ZFP62: variants seen among roughly 807,000 people sequenced by gnomAD.
ZFP62 encodes zinc finger protein 62 homolog.
A neutral mutation model predicts 56.4 loss-of-function variants in ZFP62; 44 were observed. The observed-to-expected ratio is 0.78, with a 90% CI of 0.61 to 1.00. The LOEUF (loss-of-function observed/expected upper bound fraction) is 1.00. ZFP62 is among the 50% of genes least tolerant of loss of function. The probability of loss-of-function intolerance (pLI) is 0.00; values close to 1 mark genes in which losing one functional copy is unlikely to be tolerated. For missense variants in ZFP62, 1,030 were observed against 1,085.7 expected (o/e 0.95, Z 0.72); for synonymous variants, 421 against 388.9 (o/e 1.08, Z -0.97).
downstream of ZFP62, among the ~76,000 whole-genome samples, chr5:180,843,901 G>A (rs976955155): frequency 1.3e-5 from 2 of 152,226 alleles, no homozygotes; most frequent in Admixed American, 6.5e-5. Context: ...AAGGACAGCA[G>A]TCACATGGAC....
At chr5:180,855,254 T>G (rs891821996) in intron 1 of ZFP62, among the ~76,000 whole-genome samples, 1 of 152,226 alleles carries the variant, frequency 6.6e-6, no homozygotes, top group Non-Finnish European at 1.5e-5. Context: ...TTCTGTGCAT[T>G]TGAAGTTATT....
rs1489904252 is a variant in ZFP62 at position 180,849,741 on chromosome 5, C to G, written c.1754G>C (p.Gly585Ala). The G allele has an allele frequency of 1.3e-6, 2 of 1,551,702 alleles. No individual in the cohort carries two copies. The highest frequency in any genetic ancestry group is 2.7e-5 in the African/African-American group (2 of 73,024). Residue 585 changes from glycine to alanine, a missense_variant, in exon 2 of 2, where the codon GGG becomes GCG. Physicochemically the swap from Gly to Ala is moderately conservative, Grantham distance 60 (BLOSUM62 0). Coordinates refer to ENST00000502412, the MANE Select transcript of ZFP62 (RefSeq NM_001172638.2). ...CTCGTCACACTTAAAGGGCTTCTCC[C>G]CAGGGTGTACACTTTTATGATTTAT... ...SLINHKSVHP[G>A]EKPFKCDECE...
intron 1 of ZFP62, among the ~76,000 whole-genome samples, chr5:180,853,686 G>T (rs958696753): frequency 1.1e-4 from 16 of 152,188 alleles, no homozygotes; most frequent in African/African-American, 3.9e-4. Context: ...ACTTAGAAAC[G>T]TATTTGACTA....
At chr5:180,834,057 T>G in the ZFP62 span, among the ~76,000 whole-genome samples, 1 of 152,192 alleles carries the variant, frequency 6.6e-6, no homozygotes. Context: ...TATGCTGAGA[T>G]CCTAACCCCT....
At chr5:180,829,116 G>A in the ZFP62 span, among the ~76,000 whole-genome samples, 2 of 152,342 alleles carry the variant, frequency 1.3e-5, no homozygotes, top group East Asian at 3.9e-4. Flanking sequence ...GTGCACCACT[G>A]AACATAGACC....
the ZFP62 span, among the ~76,000 whole-genome samples, chr5:180,841,184 A>C: frequency 6.6e-6 from 1 of 152,026 alleles, no homozygotes; most frequent in Non-Finnish European, 1.5e-5. Flanking sequence ...AAGAAAATGA[A>C]CTTGCTGGAT....
chr5:180,841,310 T>C, the ZFP62 span, among the ~76,000 whole-genome samples: 6 of 72,976 alleles, frequency 8.2e-5, no homozygotes, highest in African/African-American at 2.1e-4. Context: ...CATATATATA[T>C]ACATACACAC....
intron 1 of ZFP62, among the ~76,000 whole-genome samples, chr5:180,858,666 A>G (rs923884803): frequency 6.6e-6 from 1 of 152,188 alleles, no homozygotes; most frequent in Non-Finnish European, 1.5e-5. Flanking sequence ...GAGGCAAGAC[A>G]GGACTGAGTC....
the ZFP62 span, among the ~76,000 whole-genome samples, chr5:180,836,599 G>C: frequency 1.3e-5 from 2 of 152,320 alleles, no homozygotes; most frequent in African/African-American, 4.8e-5. Flanking sequence ...ATGTACTGCG[G>C]GTTAGGACTT....
At chr5:180,831,870 C>A in the ZFP62 span, 3,705 of 153,252 alleles carry the variant, frequency 0.024, 104 homozygotes, top group East Asian at 0.093. Context: ...GCTGGCCTAA[C>A]CCCTGCTCGG....
the ZFP62 span, among the ~76,000 whole-genome samples, chr5:180,827,225 C>G: frequency 2.0e-5 from 3 of 152,200 alleles, no homozygotes; most frequent in Non-Finnish European, 2.9e-5. Flanking sequence ...CACTTCTGCT[C>G]ACATTGCATT....
chr5:180,848,920 T>C lies in ZFP62; in HGVS notation c.2575A>G (p.Lys859Glu), dbSNP rs1482264658. 2 of 1,551,624 alleles carry C rather than the reference T, an allele frequency of 1.3e-6. No individual in the cohort carries two copies. The highest frequency in any genetic ancestry group is 1.7e-6 in the Non-Finnish European group (2 of 1,147,008). ...FNIRSNLTKH[K>E]RTHTGEESLN... ...GATTCCTCTCCAGTATGGGTTCTTTTATGCTTGGTGAGATTTGATCTGATA... is the reference window on the plus strand; with the variant it reads ...GATTCCTCTCCAGTATGGGTTCTTTCATGCTTGGTGAGATTTGATCTGATA... The change falls in exon 2 of 2, where the codon AAA (lysine) becomes GAA (glutamate). Residue 859 changes from lysine to glutamate, a missense_variant. Transcript: ENST00000502412.
At chr5:180,858,088 A>T (rs1469264583) in intron 1 of ZFP62, among the ~76,000 whole-genome samples, 1 of 59,456 alleles carries the variant, frequency 1.7e-5, no homozygotes, top group East Asian at 2.0e-3. Flanking sequence ...CCCCATCTCT[A>T]CTAAAAAAAA....
rs1350123095 is a variant in ZFP62, at chr5:180,850,514, A to G, written c.981T>C (p.His327=). 1 of 1,553,080 alleles carries G rather than the reference A, an allele frequency of 6.4e-7. No individual in the cohort carries two copies. The highest frequency in any genetic ancestry group is 8.7e-7 in the Non-Finnish European group (1 of 1,147,776). The part of the protein sequence containing the change: ...AFITCRTLLN[H]KSIHFGDKPY... ...GTTTATCTCCAAAGTGGATGCTTTTATGGTTGAGAAGTGTTCTACAAGTAA... is the reference window on the plus strand; with the variant it reads ...GTTTATCTCCAAAGTGGATGCTTTTGTGGTTGAGAAGTGTTCTACAAGTAA... The change falls in exon 2 of 2, where the codon CAT becomes CAC. Residue 327 remains histidine, a synonymous_variant. Coordinates refer to ENST00000502412, the MANE Select transcript of ZFP62 (RefSeq NM_001172638.2).
At chr5:180,829,971 C>T in the ZFP62 span, 3 of 152,148 alleles carry the variant, frequency 2.0e-5, no homozygotes, top group Non-Finnish European at 4.4e-5. Context: ...TGGAAAATCC[C>T]ACTTTACTTC....
At chr5:180,844,785 T>C (rs1022428485), downstream of ZFP62, among the ~76,000 whole-genome samples, 1 of 152,168 alleles carries the variant, frequency 6.6e-6, no homozygotes, top group Non-Finnish European at 1.5e-5. Context: ...TCATGTTTCT[T>C]CTCAAGTTTT....
In ZFP62 at chr5:180,851,236, C is replaced by T; in HGVS notation, c.259G>A (p.Gly87Ser). ...TGCAAGCTCTTCTCAGATGCCTCAC[C>T]TTCCTGTTCTGTCTTTATATTTGCT... ...STANIKTEQE[G>S]EASEKSLHLS... The change falls in exon 2 of 2, where the codon GGT becomes AGT. Residue 87 changes from glycine to serine, a missense_variant. By Grantham distance (56) the Gly-to-Ser change is moderately conservative. Coordinates refer to ENST00000502412, the MANE Select transcript of ZFP62 (RefSeq NM_001172638.2). 1 of 1,551,628 alleles carries T rather than the reference C, an allele frequency of 6.4e-7. No homozygotes were observed. Among genetic ancestry groups the T allele is most frequent in the Non-Finnish European group, 8.7e-7 (1 of 1,146,988 alleles).
At position 180,848,153 on chromosome 5, in the gene ZFP62, G is replaced by C. The variant is rs1212315270; in HGVS notation, c.*639C>G. On this transcript the variant is annotated 3_prime_UTR_variant, in exon 2 of 2. Coordinates refer to ENST00000502412, the MANE Select transcript of ZFP62 (RefSeq NM_001172638.2). Reference sequence around the variant, plus strand: ...GTTCATCAATTTGCATTTTTTATGAGTGACTCTCTCCTATCTCCTGTTAGA... The same window carrying C: ...GTTCATCAATTTGCATTTTTTATGACTGACTCTCTCCTATCTCCTGTTAGA... The C allele has an allele frequency of 5.1e-6, 5 of 985,166 alleles. No homozygotes were observed. Among genetic ancestry groups the C allele is most frequent in the Non-Finnish European group, 4.8e-6 (4 of 829,910 alleles). 61.0% of individuals were successfully genotyped at this position (985,166 alleles called of 1,614,324 possible). A position where few individuals can be genotyped will look rare whatever the true frequency, so the allele number is the denominator to read the frequency against.
chr5:180,855,801 T>C lies in ZFP62; in HGVS notation c.2-4308A>G, dbSNP rs374295850. On this transcript the variant is annotated intron_variant, in intron 1 of 1. Coordinates refer to ENST00000502412, the MANE Select transcript of ZFP62 (RefSeq NM_001172638.2). ...AGTTTGAGCCTTCTAAATTCTCTTC[T>C]GCATGACTGCCATCGTTTCTAGACC... Among the ~76,000 whole-genome samples the C allele has an allele frequency of 2.4e-4, 37 of 152,336 alleles. No individual in the cohort carries two copies. The East Asian group carries it at 3.9e-3, about 16-fold the overall frequency.
Sources: allele counts gnomAD v4.1 joint callset (sites outside exome capture counted in the v4.1 genomes callset), GRCh38; gene constraint gnomAD v4.1.1; transcripts MANE v1.5; gene names NCBI Gene and HGNC (gene_info 2026-07-23, HGNC 2026-07-21).